Variants in COL19A1 observed in about 807,000 individuals in gnomAD.
The protein encoded by COL19A1 is collagen alpha-1(XIX) chain.
COL19A1 carries 159 observed loss-of-function variants against 190.2 expected under a neutral mutation model. The observed-to-expected ratio is 0.84, with a 90% CI of 0.73 to 0.95. The LOEUF (loss-of-function observed/expected upper bound fraction) is 0.95, where lower values mean the gene tolerates loss of function less well. Ranked by LOEUF, COL19A1 falls within the 40% of genes least tolerant of loss-of-function variation. The pLI, the probability that COL19A1 is intolerant of heterozygous loss-of-function variation, is 0.00. For missense variants in COL19A1, 1,418 were observed against 1,431.9 expected (o/e 0.99, Z 0.16); for synonymous variants, 509 against 458.9 (o/e 1.11, Z -1.39).
intron 19 of COL19A1, among the ~76,000 whole-genome samples, chr6:70,138,240 T>G (rs931956727): frequency 6.6e-6 from 1 of 152,182 alleles, no homozygotes; most frequent in Non-Finnish European, 1.5e-5. Flanking sequence ...CCTTCTGAAG[T>G]TATTTTTCTT....
chr6:70,158,354 A>C (rs1172850354), intron 34 of COL19A1, among the ~76,000 whole-genome samples: 1 of 152,096 alleles, frequency 6.6e-6, no homozygotes, highest in Non-Finnish European at 1.5e-5. Context: ...CCATTTCAAC[A>C]TACAGTATGG....
chr6:70,153,838 A>G (rs1483948782), intron 31 of COL19A1, among the ~76,000 whole-genome samples: 6 of 152,110 alleles, frequency 3.9e-5, no homozygotes, highest in East Asian at 1.9e-4. Context: ...CTGCCAACAC[A>G]TTACCACCTG....
intron 9 of COL19A1, among the ~76,000 whole-genome samples, chr6:69,958,674 C>A (rs766531379): frequency 6.6e-6 from 1 of 151,876 alleles, no homozygotes; most frequent in Admixed American, 6.6e-5. Flanking sequence ...GCTGTTTTAC[C>A]GTAGAATACT....
chr6:70,179,040 T>A (rs1766001339), intron 42 of COL19A1, among the ~76,000 whole-genome samples: 1 of 152,134 alleles, frequency 6.6e-6, no homozygotes, highest in African/African-American at 2.4e-5. Flanking sequence ...ACCCGCCATG[T>A]CCCACAATAA....
At chr6:70,158,965 A>G (rs1787609982) in intron 34 of COL19A1, among the ~76,000 whole-genome samples, 1 of 152,042 alleles carries the variant, frequency 6.6e-6, no homozygotes, top group African/African-American at 2.4e-5. Context: ...TTTCACTTTT[A>G]CTACAGAATT....
chr6:70,053,431 C>A (rs958735129), intron 14 of COL19A1, among the ~76,000 whole-genome samples: 8 of 152,122 alleles, frequency 5.3e-5, no homozygotes, highest in Non-Finnish European at 1.2e-4. Context: ...ACATACTACC[C>A]ATGTTACCAA....
At chr6:70,076,186 G>A (rs983097514) in intron 15 of COL19A1, among the ~76,000 whole-genome samples, 3 of 152,120 alleles carry the variant, frequency 2.0e-5, no homozygotes, top group East Asian at 3.9e-4. Context: ...AGCTAAAGGG[G>A]TACTATAGTA....
chr6:70,062,152 A>C (rs1044980486), intron 14 of COL19A1, among the ~76,000 whole-genome samples: 1 of 152,078 alleles, frequency 6.6e-6, no homozygotes, highest in African/African-American at 2.4e-5. Flanking sequence ...TAAATACATA[A>C]ATTTCATTCA....
intron 5 of COL19A1, 152 bp downstream of exon 5, chr6:69,928,184 C>T (rs749684162): frequency 6.1e-6 from 6 of 979,576 alleles, no homozygotes; most frequent in East Asian, 2.7e-5. Context: ...CAAGTATTCT[C>T]GTAGTTAGGA....
At chr6:69,882,385 A>C (rs1768620553) in intron 2 of COL19A1, among the ~76,000 whole-genome samples, 1 of 152,184 alleles carries the variant, frequency 6.6e-6, no homozygotes, top group Admixed American at 6.5e-5. Context: ...TGGCAGTTTC[A>C]GCTCAGTTAC....
chr6:70,145,693 G>T (rs1034472511), intron 25 of COL19A1, among the ~76,000 whole-genome samples: 1 of 146,698 alleles, frequency 6.8e-6, no homozygotes, highest in Admixed American at 6.8e-5. Flanking sequence ...GGGGAAAAAA[G>T]AAATATTCAT....
In COL19A1 at chr6:69,921,477, T is replaced by TA. The variant is rs1436836786; in HGVS notation, c.267-6432_267-6431insA. Among the ~76,000 whole-genome samples the TA allele has an allele frequency of 8.2e-4, 20 of 24,476 alleles. 1 individual carries two copies. The highest frequency in any genetic ancestry group is 1.2e-3 in the Non-Finnish European group (16 of 13,802). The allele number at this position is 24,476 out of a possible 152,430, so 16.1% of individuals were successfully genotyped here. On this transcript the variant is annotated intron_variant, in intron 4 of 50. Coordinates refer to ENST00000620364, the MANE Select transcript of COL19A1 (RefSeq NM_001858.6). ...CATATATATCATATATATTCATATA[T>TA]TCATATATATTCATATATATTCATA...
At chr6:70,131,116 C>A (rs1428855880) in intron 18 of COL19A1, 3 of 400,774 alleles carry the variant, frequency 7.5e-6, no homozygotes, top group African/African-American at 2.1e-5. Context: ...TGTTTCACTC[C>A]TGTTTGATTC....
chr6:70,017,764 A>AG (rs1366708838), intron 11 of COL19A1, among the ~76,000 whole-genome samples: 1 of 152,118 alleles, frequency 6.6e-6, no homozygotes, highest in Admixed American at 6.6e-5. Flanking sequence ...TATTTCTAGG[A>AG]GGGGGCTTGT....
intron 47 of COL19A1, 97 bp downstream of exon 47, chr6:70,188,342 A>G (rs772007238): frequency 7.3e-7 from 1 of 1,375,924 alleles, no homozygotes; most frequent in South Asian, 1.7e-5. Context: ...AATAAATAAA[A>G]CAAACCTAAA....
At chr6:69,908,153 A>G (rs1054203371) in intron 4 of COL19A1, among the ~76,000 whole-genome samples, 3 of 152,238 alleles carry the variant, frequency 2.0e-5, no homozygotes, top group African/African-American at 7.2e-5. Flanking sequence ...TGTAATGCAT[A>G]GTTCTCCTTT....
chr6:70,102,282 A>C (rs1783686970), intron 16 of COL19A1, 60 bp downstream of exon 16: 1 of 1,242,238 alleles, frequency 8.0e-7, no homozygotes, highest in Non-Finnish European at 1.2e-6. Context: ...CTGTGTGTTT[A>C]CCTAAGGATT....
intron 17 of COL19A1, among the ~76,000 whole-genome samples, chr6:70,128,696 A>G (rs1785342825): frequency 6.6e-6 from 1 of 152,204 alleles, no homozygotes; most frequent in Admixed American, 6.5e-5. Context: ...AATAGGAGAG[A>G]GAAGGTAGAC....
chr6:70,138,933 T>C (rs1786055953), intron 19 of COL19A1, among the ~76,000 whole-genome samples: 2 of 152,064 alleles, frequency 1.3e-5, no homozygotes, highest in Non-Finnish European at 1.5e-5. Context: ...ACTCTCTAGG[T>C]GCTCCACACT....
Sources: gnomAD v4.1 joint callset for allele counts (sites outside exome capture counted in the v4.1 genomes callset) on GRCh38, gnomAD v4.1.1 for gene constraint, MANE v1.5 for transcripts, NCBI Gene and HGNC (gene_info 2026-07-23, HGNC 2026-07-21) for gene names.